IP6K1: variants seen among roughly 807,000 people sequenced by gnomAD.
The protein encoded by IP6K1 is inositol hexakisphosphate kinase 1, also known as ATP:1D-myo-inositol-hexakisphosphate phosphotransferase.
IP6K1 carries 13 observed loss-of-function variants against 38.3 expected under a neutral mutation model. The observed-to-expected ratio is 0.34, with a 90% CI of 0.22 to 0.54. The LOEUF (loss-of-function observed/expected upper bound fraction) is 0.54, where lower values mean the gene tolerates loss of function less well. IP6K1 is among the 20% of genes least tolerant of loss of function. The pLI, the probability that IP6K1 is intolerant of heterozygous loss-of-function variation, is 0.92. For synonymous variants in IP6K1, 212 were observed against 229.9 expected (o/e 0.92, Z 0.70); for missense variants, 397 against 599.8 (o/e 0.66, Z 3.53).
intron 2 of IP6K1, among the ~76,000 whole-genome samples, chr3:49,747,231 T>C (rs1264693518): frequency 6.6e-6 from 1 of 152,160 alleles, no homozygotes; most frequent in African/African-American, 2.4e-5. Flanking sequence ...TCATAAAAAT[T>C]TATAAACACT....
intron 1 of IP6K1, among the ~76,000 whole-genome samples, chr3:49,768,135 T>C (rs1459335553): frequency 6.6e-6 from 1 of 152,162 alleles, no homozygotes; most frequent in Non-Finnish European, 1.5e-5. Flanking sequence ...AGTATGGCAA[T>C]TCCTCAAAAA....
intron 4 of IP6K1, among the ~76,000 whole-genome samples, chr3:49,732,074 C>G (rs1285606232): frequency 1.3e-5 from 2 of 151,844 alleles, no homozygotes; most frequent in African/African-American, 4.8e-5. Flanking sequence ...CTACTACAAG[C>G]ACACACCACC....
intron 4 of IP6K1, 126 bp downstream of exon 4, chr3:49,732,665 C>A: frequency 1.5e-6 from 1 of 662,160 alleles, no homozygotes; most frequent in East Asian, 2.9e-5. Context: ...AAGAGGAGTC[C>A]ATGAAAAAGG....
intron 1 of IP6K1, among the ~76,000 whole-genome samples, chr3:49,768,090 C>T (rs2080927570): frequency 6.7e-6 from 1 of 149,014 alleles, no homozygotes; most frequent in East Asian, 1.9e-4. Context: ...GAAATTGTAA[C>T]ACTTGTGCAC....
chr3:49,750,957 T>TG (rs1297767787), intron 1 of IP6K1, among the ~76,000 whole-genome samples: 8 of 152,144 alleles, frequency 5.3e-5, no homozygotes, highest in African/African-American at 1.7e-4. Flanking sequence ...TCTGAAATAG[T>TG]GGAAGTACCC....
chr3:49,734,817 T>C (rs2080593128), intron 3 of IP6K1, among the ~76,000 whole-genome samples: 1 of 152,198 alleles, frequency 6.6e-6, no homozygotes, highest in African/African-American at 2.4e-5. Context: ...CGGTACTTGG[T>C]ATCACACCTT....
chr3:49,766,327 C>T (rs372691971), intron 1 of IP6K1, among the ~76,000 whole-genome samples: 2 of 151,956 alleles, frequency 1.3e-5, no homozygotes, highest in Non-Finnish European at 2.9e-5. Flanking sequence ...CAAGATCGCG[C>T]CACTGCACTC....
chr3:49,740,896 C>CA (rs975878158), intron 2 of IP6K1, among the ~76,000 whole-genome samples: 2 of 151,278 alleles, frequency 1.3e-5, no homozygotes, highest in African/African-American at 4.9e-5. Context: ...CTCTGTCGCC[C>CA]AGGCTGGAGT....
At chr3:49,749,622 G>A (rs2108238933) in intron 1 of IP6K1, among the ~76,000 whole-genome samples, 1 of 152,222 alleles carries the variant, frequency 6.6e-6, no homozygotes, top group East Asian at 1.9e-4. Flanking sequence ...GCTGAGCTGT[G>A]ATGGCACTAC....
chr3:49,785,277 G>GA (rs200837717), intron 1 of IP6K1, among the ~76,000 whole-genome samples: 1 of 151,922 alleles, frequency 6.6e-6, no homozygotes, highest in East Asian at 1.9e-4. Flanking sequence ...GGAGGCCAAG[G>GA]GGGGTGGATC....
At position 49,727,137 on chromosome 3, in the gene IP6K1, C is replaced by G. The variant is rs2080513414; in HGVS notation, c.1311G>C (p.Arg437=). 6.2e-7 allele frequency: 1 copy of G among 1,607,266 alleles called. No individual in the cohort carries two copies. Among genetic ancestry groups the G allele is most frequent in the African/African-American group, 1.3e-5 (1 of 74,940 alleles). ...ENLISIMEQM[R]DENQ is the part of the protein sequence containing the mutation. ...AGAACAGGGCCTACTGGTTCTCGTC[C>G]CGCATCTGTTCCATGATGCTGATGA... The change falls in exon 6 of 6, where the codon CGG becomes CGC. Residue 437 remains arginine (R), a synonymous_variant. Transcript: ENST00000321599. The surrounding 1 kb of genome is among the most constrained non-coding windows in gnomAD (Gnocchi z 5.9).
intron 1 of IP6K1, among the ~76,000 whole-genome samples, chr3:49,761,938 C>G (rs1342638712): frequency 6.6e-6 from 1 of 151,478 alleles, no homozygotes; most frequent in East Asian, 1.9e-4. Flanking sequence ...AGAGTGAAAC[C>G]CTGTCTCTCT....
intron 1 of IP6K1, among the ~76,000 whole-genome samples, chr3:49,763,190 G>A (rs1163557530): frequency 6.8e-5 from 10 of 146,188 alleles, no homozygotes; most frequent in African/African-American, 2.6e-4. Context: ...TGCAAGCTCC[G>A]CCTCCCGGGT....
rs1478921671 is a variant in IP6K1 at position 49,747,804 on chromosome 3, G to A, written c.223+14C>T. On this transcript the variant is annotated intron_variant, in intron 2 of 5. Coordinates refer to ENST00000321599, the MANE Select transcript of IP6K1 (RefSeq NM_153273.4). ...CCAAGGCTGCTGCTTTCATTAAACT[G>A]GCCAGTGACTGACCTTTGTATTCAG... The A allele has an allele frequency of 1.2e-6, 2 of 1,614,032 alleles. No individual in the cohort carries two copies. The highest frequency in any genetic ancestry group is 1.3e-5 in the African/African-American group (1 of 75,044).
chr3:49,748,558 T>A (rs1479345402), intron 1 of IP6K1, among the ~76,000 whole-genome samples: 2 of 152,188 alleles, frequency 1.3e-5, no homozygotes, highest in African/African-American at 4.8e-5. Flanking sequence ...TTCAGACTCC[T>A]TAGGATATCC....
chr3:49,740,189 G>A (rs1413826252), intron 2 of IP6K1, among the ~76,000 whole-genome samples: 1 of 146,188 alleles, frequency 6.8e-6, no homozygotes, highest in Non-Finnish European at 1.5e-5. Flanking sequence ...GTGGTGTTCA[G>A]TCAATAGATC....
At chr3:49,732,732 C>T (rs2080573992) in intron 4 of IP6K1, 59 bp downstream of exon 4, 12 of 1,421,754 alleles carry the variant, frequency 8.4e-6, no homozygotes. Context: ...CAGAATGGTG[C>T]CCCAACACAC....
At chr3:49,733,044 C>T in intron 3 of IP6K1, 72 bp from the exon 4 acceptor site, 3 of 1,197,504 alleles carry the variant, frequency 2.5e-6, no homozygotes, top group Non-Finnish European at 3.6e-6. Context: ...CTGCACAGGG[C>T]ACAGATCTGT....
rs1355337215 is a variant in IP6K1, at chr3:49,726,236, C to G, written c.*886G>C. Reference sequence around the variant, plus strand: ...ATGAGACCCTGAGCGGACCACAGCCCTTGAGCCCTGGGAGGAGCAGCCCAT... The same window carrying G: ...ATGAGACCCTGAGCGGACCACAGCCGTTGAGCCCTGGGAGGAGCAGCCCAT... On this transcript the variant is annotated 3_prime_UTR_variant, in exon 6 of 6. Coordinates refer to ENST00000321599, the MANE Select transcript of IP6K1 (RefSeq NM_153273.4). The G allele has an allele frequency of 6.5e-6, 1 of 152,900 alleles. No individual in the cohort carries two copies. Among genetic ancestry groups the G allele is most frequent in the South Asian group, 2.1e-4 (1 of 4,834 alleles). 9.5% of individuals were successfully genotyped at this position (152,900 alleles called of 1,614,324 possible).
Sources: allele counts gnomAD v4.1 joint callset (sites outside exome capture counted in the v4.1 genomes callset), GRCh38; gene constraint gnomAD v4.1.1; non-coding constraint Gnocchi (gnomAD v3.1); transcripts MANE v1.5; gene names NCBI Gene and HGNC (gene_info 2026-07-23, HGNC 2026-07-21).